The following PHF20 variants were observed in gnomAD, a reference collection of about 807,000 sequenced individuals.
The protein encoded by PHF20 is glioma-expressed antigen 2.
PHF20 carries 23 observed loss-of-function variants against 113.5 expected under a neutral mutation model. The observed-to-expected ratio is 0.20, with a 90% confidence interval of 0.15 to 0.29. PHF20 has a LOEUF of 0.29. Ranked by LOEUF, PHF20 falls within the 10% of genes least tolerant of loss-of-function variation. The pLI, the probability that PHF20 is intolerant of heterozygous loss-of-function variation, is 1.00. For synonymous variants in PHF20, 434 were observed against 457.3 expected (o/e 0.95, Z 0.65); for missense variants, 943 against 1,219.6 (o/e 0.77, Z 3.38).
At chr20:35,787,045 A>T (rs1255246692) in intron 1 of PHF20, among the ~76,000 whole-genome samples, 1 of 145,650 alleles carries the variant, frequency 6.9e-6, no homozygotes, top group African/African-American at 2.6e-5. Context: ...AAGCTGGAGT[A>T]CGGTGGTGCA....
intron 2 of PHF20, among the ~76,000 whole-genome samples, chr20:35,814,669 C>A (rs1312830560): frequency 1.4e-5 from 2 of 147,156 alleles, no homozygotes; most frequent in Non-Finnish European, 3.0e-5. Flanking sequence ...GTCAGGAGAT[C>A]GAGACCATCC....
chr20:35,917,436 T>A (rs759884070), intron 12 of PHF20, 48 bp from the exon 13 acceptor site: 53 of 1,505,416 alleles, frequency 3.5e-5, no homozygotes, highest in Non-Finnish European at 4.4e-5. Context: ...AAAGGTTTTT[T>A]AATTTTATAA....
chr20:35,929,373 T>C (rs1364109987), intron 14 of PHF20, among the ~76,000 whole-genome samples: 1 of 152,244 alleles, frequency 6.6e-6, no homozygotes, highest in Non-Finnish European at 1.5e-5. Context: ...TGCCTCCACT[T>C]GTCCCTTTAT....
intron 9 of PHF20, among the ~76,000 whole-genome samples, chr20:35,888,591 C>G (rs1233092420): frequency 6.6e-6 from 1 of 152,142 alleles, no homozygotes; most frequent in Non-Finnish European, 1.5e-5. Context: ...TGAGTTCCCC[C>G]TCACTTTTGA....
In PHF20 at chr20:35,941,017, A is replaced by C. The variant is rs2055967836; in HGVS notation, c.2866A>C (p.Arg956=). The part of the protein sequence containing the change: ...VESLQDEVTH[R]MDSIEKELDV... Reference sequence around the variant, plus strand: ...ATCTCTTCAGGATGAAGTTACGCACAGGATGGACTCCATTGAGAAGGAGTT... The same window carrying C: ...ATCTCTTCAGGATGAAGTTACGCACCGGATGGACTCCATTGAGAAGGAGTT... Residue 956 remains arginine (R), a synonymous_variant, in exon 17 of 18, where the codon AGG becomes CGG. Coordinates refer to ENST00000374012, the MANE Select transcript of PHF20 (RefSeq NM_016436.5). 6.2e-7 allele frequency: 1 copy of C among 1,614,026 alleles called. No homozygotes were observed. The highest frequency in any genetic ancestry group is 8.5e-7 in the Non-Finnish European group (1 of 1,179,960).
At chr20:35,911,254 G>C (rs374664581) in intron 10 of PHF20, among the ~76,000 whole-genome samples, 3 of 151,812 alleles carry the variant, frequency 2.0e-5, no homozygotes, top group East Asian at 2.0e-4. Context: ...ATGTTAGCCA[G>C]GATGGTCTCA....
chr20:35,916,743 C>T (rs942848921), intron 12 of PHF20, among the ~76,000 whole-genome samples: 2 of 151,950 alleles, frequency 1.3e-5, no homozygotes, highest in African/African-American at 4.8e-5. Context: ...GCTGGGATTA[C>T]AGGCGTGAGC....
intron 2 of PHF20, among the ~76,000 whole-genome samples, chr20:35,802,808 G>T (rs1243992839): frequency 6.6e-6 from 1 of 151,236 alleles, no homozygotes; most frequent in Non-Finnish European, 1.5e-5. Context: ...GCATGGTGGT[G>T]CATGCCTGTA....
intron 2 of PHF20, among the ~76,000 whole-genome samples, chr20:35,826,578 A>G (rs1480692303): frequency 2.6e-5 from 4 of 152,198 alleles, no homozygotes; most frequent in African/African-American, 9.7e-5. Flanking sequence ...AAGGAATAAC[A>G]TCAGCAAAAA....
intron 9 of PHF20, among the ~76,000 whole-genome samples, chr20:35,897,363 C>G (rs1311281128): frequency 1.3e-5 from 2 of 152,004 alleles, no homozygotes; most frequent in Non-Finnish European, 2.9e-5. Context: ...GTGATATTTC[C>G]TTACATGTAT....
At chr20:35,830,442 C>A (rs1050756372) in intron 2 of PHF20, among the ~76,000 whole-genome samples, 22 of 152,100 alleles carry the variant, frequency 1.4e-4, no homozygotes, top group Admixed American at 5.9e-4. Flanking sequence ...AGTTTTATTC[C>A]TTTTTAAGGC....
At chr20:35,917,259 A>T (rs1336134319) in intron 12 of PHF20, 1 of 632,312 alleles carries the variant, frequency 1.6e-6, no homozygotes, top group African/African-American at 1.8e-5. Context: ...TCATTCTCTC[A>T]GTGAAATGAG....
At chr20:35,931,151 G>C in intron 14 of PHF20, 98 bp from the exon 15 acceptor site, 1 of 813,044 alleles carries the variant, frequency 1.2e-6, no homozygotes, top group Non-Finnish European at 2.0e-6. Context: ...ATACTAATCT[G>C]TTCTTCCAGT....
chr20:35,794,121 A>G (rs1050066372), intron 1 of PHF20, among the ~76,000 whole-genome samples: 1 of 150,962 alleles, frequency 6.6e-6, no homozygotes, highest in African/African-American at 2.4e-5. Flanking sequence ...ACCAATATGG[A>G]GAAACCCCTT....
chr20:35,850,413 A>G (rs1426847804), intron 4 of PHF20, among the ~76,000 whole-genome samples: 3 of 147,244 alleles, frequency 2.0e-5, no homozygotes. Context: ...GGTTCAAGCA[A>G]TTCTCCTGCC....
intron 9 of PHF20, among the ~76,000 whole-genome samples, chr20:35,892,224 A>ATTTTTTTT (rs780490898): frequency 1.9e-3 from 191 of 102,488 alleles, no homozygotes; most frequent in Middle Eastern, 0.014. Flanking sequence ...CGCCTGGCTG[A>ATTTTTTTT]TTTTTTTTTT....
intron 2 of PHF20, among the ~76,000 whole-genome samples, chr20:35,806,161 C>CT (rs2041877029): frequency 7.3e-6 from 1 of 137,290 alleles, no homozygotes; most frequent in African/African-American, 3.0e-5. Context: ...CCATGCCTGG[C>CT]ATTTTTTTTT....
chr20:35,844,543 CCACACA>C (rs61622083), intron 3 of PHF20, among the ~76,000 whole-genome samples: 8,054 of 117,644 alleles, frequency 0.068, 307 homozygotes, highest in East Asian at 0.12. Flanking sequence ...TTCACCATCA[CCACACA>C]CACACACACA....
intron 5 of PHF20, among the ~76,000 whole-genome samples, chr20:35,860,226 G>A (rs1044706113): frequency 2.0e-5 from 3 of 149,236 alleles, no homozygotes; most frequent in African/African-American, 4.9e-5. Flanking sequence ...CTATTCATAA[G>A]TTTCTAAGAA....
Sources: gnomAD v4.1 joint callset for allele counts (sites outside exome capture counted in the v4.1 genomes callset) on GRCh38, gnomAD v4.1.1 for gene constraint, MANE v1.5 for transcripts, NCBI Gene and HGNC (gene_info 2026-07-23, HGNC 2026-07-21) for gene names.